Variants in TRAM2 observed in about 807,000 individuals in gnomAD.
The protein encoded by TRAM2 is translocating chain-associated membrane protein 2.
Under a neutral mutation model 51.0 loss-of-function variants are expected in TRAM2, and 12 were observed. That is an observed-to-expected ratio of 0.24 (90% CI 0.15 to 0.38). The LOEUF (loss-of-function observed/expected upper bound fraction) is 0.38. Among genes scored for constraint, TRAM2 ranks in the 10% least tolerant of loss-of-function variants. The pLI is 1.00. For missense variants in TRAM2, 361 were observed against 462.0 expected, an observed-to-expected ratio of 0.78 and a Z score of 2.00; for synonymous variants, 175 against 179.4, an observed-to-expected ratio of 0.98 and a Z score of 0.20.
At chr6:52,512,375 G>A (rs1268859680) in intron 4 of TRAM2, among the ~76,000 whole-genome samples, 2 of 152,190 alleles carry the variant, frequency 1.3e-5, no homozygotes, top group Non-Finnish European at 2.9e-5. Flanking sequence ...CACGGGGACT[G>A]GAGGAGGAAA....
chr6:52,535,123 C>A (rs1215516013), intron 2 of TRAM2, among the ~76,000 whole-genome samples: 1 of 152,210 alleles, frequency 6.6e-6, no homozygotes, highest in East Asian at 1.9e-4. Context: ...ACATCCTGCC[C>A]ATTCTCCTCT....
chr6:52,508,518 A>G (rs1315837998), intron 5 of TRAM2, among the ~76,000 whole-genome samples, 200 bp from the exon 6 acceptor site: 1 of 152,236 alleles, frequency 6.6e-6, no homozygotes, highest in African/African-American at 2.4e-5. Flanking sequence ...CTTGTTCCAC[A>G]TACAAAACCA....
At chr6:52,551,142 GA>G (rs1281400633) in intron 1 of TRAM2, among the ~76,000 whole-genome samples, 19 of 152,206 alleles carry the variant, frequency 1.2e-4, no homozygotes, top group African/African-American at 4.3e-4. Flanking sequence ...GAGGCAGGAG[GA>G]GGTGAATATA....
At chr6:52,539,281 G>C (rs531549456) in intron 1 of TRAM2, among the ~76,000 whole-genome samples, 1 of 152,366 alleles carries the variant, frequency 6.6e-6, no homozygotes, top group African/African-American at 2.4e-5. Context: ...TGGAGGCAGA[G>C]TGTCGCCTTG....
chr6:52,555,817 T>G (rs1050462151), intron 1 of TRAM2, among the ~76,000 whole-genome samples: 2 of 152,170 alleles, frequency 1.3e-5, no homozygotes, highest in Non-Finnish European at 2.9e-5. Context: ...ATTACAACCA[T>G]AAAAAATCAT....
intron 1 of TRAM2, among the ~76,000 whole-genome samples, chr6:52,549,733 G>C (rs2114096163): frequency 6.6e-6 from 1 of 152,262 alleles, no homozygotes; most frequent in Admixed American, 6.5e-5. Flanking sequence ...GGGTTTAAGT[G>C]GTGCTTGAGT....
At chr6:52,553,219 T>C (rs1767341648) in intron 1 of TRAM2, among the ~76,000 whole-genome samples, 2 of 152,196 alleles carry the variant, frequency 1.3e-5, no homozygotes, top group African/African-American at 4.8e-5. Flanking sequence ...CTTTCCAAAC[T>C]AATATGATAG....
chr6:52,567,313 G>C (rs111839812), intron 1 of TRAM2, among the ~76,000 whole-genome samples: 1 of 152,252 alleles, frequency 6.6e-6, no homozygotes, highest in Non-Finnish European at 1.5e-5. Context: ...TAGCTGAGAA[G>C]TGTCACATTC....
At chr6:52,508,385 C>G in intron 5 of TRAM2, 67 bp from the exon 6 acceptor site, 1 of 1,474,408 alleles carries the variant, frequency 6.8e-7, no homozygotes. Flanking sequence ...GCTGGCCAAG[C>G]ACAGGAGGGA....
intron 5 of TRAM2, 44 bp downstream of exon 5, chr6:52,509,484 G>A: frequency 6.3e-7 from 1 of 1,598,326 alleles, no homozygotes; most frequent in Non-Finnish European, 8.6e-7. Flanking sequence ...GAAGGCAGTG[G>A]GCCCGGTCGC....
intron 4 of TRAM2, among the ~76,000 whole-genome samples, chr6:52,515,580 A>C (rs1766532896): frequency 6.6e-6 from 1 of 152,204 alleles, no homozygotes; most frequent in Non-Finnish European, 1.5e-5. Context: ...CTGTTTCAAA[A>C]CCACAGAACC....
At position 52,502,915 on chromosome 6, in the gene TRAM2, T is replaced by C; in HGVS notation, c.*282A>G. The C allele has an allele frequency of 2.3e-6, 1 of 434,954 alleles. No homozygotes were observed. Among genetic ancestry groups the C allele is most frequent in the East Asian group, 3.8e-5 (1 of 26,420 alleles). 26.9% of individuals were successfully genotyped at this position (434,954 alleles called of 1,614,324 possible). A position where few individuals can be genotyped will look rare whatever the true frequency, so the allele number is the denominator to read the frequency against. On this transcript the variant is annotated 3_prime_UTR_variant, in exon 11 of 11. Transcript: ENST00000182527. ...CAGAAAGGTGCCAGCCATGGGCGCC[T>C]GGCGTTCCAGAAAAGCCAGCACAGG...
In TRAM2 at chr6:52,535,800, A is replaced by G. The variant is rs975184079; in HGVS notation, c.167T>C (p.Ile56Thr). 1.2e-6 allele frequency: 2 copies of G among 1,613,904 alleles called. No individual in the cohort carries two copies. Among genetic ancestry groups the G allele is most frequent in the Non-Finnish European group, 1.7e-6 (2 of 1,179,910 alleles). Reference protein sequence around the residue: ...AFLFILPQYNISVPTADSETV... With the variant: ...AFLFILPQYNTSVPTADSETV... ...ATTCTTACCTGCTGTAGGCACGCTAATGTTATACTGAGGTAAAATAAATAG... is the reference window on the plus strand; with the variant it reads ...ATTCTTACCTGCTGTAGGCACGCTAGTGTTATACTGAGGTAAAATAAATAG... Residue 56 changes from isoleucine to threonine, a missense_variant, in exon 2 of 11, where the codon ATT becomes ACT. Ile to Thr is a moderately conservative substitution (Grantham distance 89). Coordinates refer to ENST00000182527, the MANE Select transcript of TRAM2 (RefSeq NM_012288.4).
At chr6:52,505,793 A>C in intron 8 of TRAM2, 51 bp from the exon 9 acceptor site, 1 of 1,552,262 alleles carries the variant, frequency 6.4e-7, no homozygotes, top group Non-Finnish European at 8.7e-7. Context: ...CCTTGAAGGA[A>C]TCTTCACCCA....
intron 1 of TRAM2, among the ~76,000 whole-genome samples, chr6:52,536,601 T>C (rs923058638): frequency 7.2e-5 from 11 of 152,198 alleles, no homozygotes; most frequent in African/African-American, 1.9e-4. Flanking sequence ...TTTCTTGCTA[T>C]GTATCTACCA....
At chr6:52,566,786 G>C (rs1020833004) in intron 1 of TRAM2, among the ~76,000 whole-genome samples, 3 of 152,058 alleles carry the variant, frequency 2.0e-5, no homozygotes, top group Non-Finnish European at 4.4e-5. Flanking sequence ...GCCTTATCTA[G>C]CATCCATCTA....
At chr6:52,546,680 AG>A (rs1281624390) in intron 1 of TRAM2, among the ~76,000 whole-genome samples, 1 of 152,134 alleles carries the variant, frequency 6.6e-6, no homozygotes, top group Non-Finnish European at 1.5e-5. Context: ...AGATATTCAC[AG>A]GGTGTTGTGG....
In TRAM2 at chr6:52,498,912, T is replaced by C. The variant is rs546431871; in HGVS notation, c.*4285A>G. ...CTCACACACAGGCGCACGCACGCAATCTGCTTGGGACAAAAAGTCTACAGG... is the reference window on the plus strand; with the variant it reads ...CTCACACACAGGCGCACGCACGCAACCTGCTTGGGACAAAAAGTCTACAGG... On this transcript the variant is annotated 3_prime_UTR_variant, in exon 11 of 11. Coordinates refer to ENST00000182527, the MANE Select transcript of TRAM2 (RefSeq NM_012288.4). 2 of 152,560 alleles carry C rather than the reference T, an allele frequency of 1.3e-5. No individual in the cohort carries two copies. Among genetic ancestry groups the C allele is most frequent in the African/African-American group, 2.4e-5 (1 of 41,474 alleles). The allele number at this position is 152,560 out of a possible 1,614,324, so 9.5% of individuals were successfully genotyped here.
intron 7 of TRAM2, among the ~76,000 whole-genome samples, chr6:52,506,360 A>G (rs2207062): frequency 0.88 from 133,883 of 152,184 alleles, 58,921 homozygotes; most frequent in East Asian, 0.96. Flanking sequence ...GTCCTGTCTC[A>G]GTCAGATGCC....
Sources: allele counts gnomAD v4.1 joint callset (sites outside exome capture counted in the v4.1 genomes callset), GRCh38; gene constraint gnomAD v4.1.1; transcripts MANE v1.5; gene names NCBI Gene and HGNC (gene_info 2026-07-23, HGNC 2026-07-21).